The following RHEBL1 variants were observed in gnomAD, a reference collection of about 807,000 sequenced individuals.
RHEBL1 encodes GTPase RhebL1.
RHEBL1 carries 22 observed loss-of-function variants against 27.4 expected under a neutral mutation model. That is an observed-to-expected ratio of 0.80 (90% CI 0.57 to 1.15). The LOEUF is 1.15. Ranked by LOEUF, RHEBL1 falls within the 50% of genes most tolerant of loss-of-function variation. RHEBL1 has a pLI of 0.00. For synonymous variants in RHEBL1, 85 were observed against 80.8 expected, an observed-to-expected ratio of 1.05 and a Z score of -0.28; for missense variants, 186 against 226.5, an observed-to-expected ratio of 0.82 and a Z score of 1.15.
At chr12:49,068,953 G>T (rs955485944) in intron 2 of RHEBL1, 82 bp downstream of exon 2, 4 of 1,423,550 alleles carry the variant, frequency 2.8e-6, no homozygotes, top group Admixed American at 4.3e-5. Context: ...TGGCACCAGA[G>T]AAATAAATTA....
Position 49,066,246 on chromosome 12 carries a change from T to G in RHEBL1, c.365A>C (p.Asp122Ala). 4 of 1,613,948 alleles carry G rather than the reference T, an allele frequency of 2.5e-6. No individual in the cohort carries two copies. The highest frequency in any genetic ancestry group is 3.4e-6 in the Non-Finnish European group (4 of 1,179,842). ...VPVVLVGNKA[D>A]LSPEREVQAV... Reference sequence around the variant, plus strand: ...ATTTACATACCTCTCTGGAGAGAGATCTGCCTTGTTCCCCACTAGAACCAC... The same window carrying G: ...ATTTACATACCTCTCTGGAGAGAGAGCTGCCTTGTTCCCCACTAGAACCAC... Residue 122 changes from aspartate (D) to alanine (A), a missense_variant, in exon 6 of 8, where the codon GAT (aspartate) becomes GCT (alanine). Around this residue, in one of 3 missense-constraint regions of RHEBL1, gnomAD observed 90 missense variants for 95.2 expected, o/e 0.95. Coordinates refer to ENST00000301068, the MANE Select transcript of RHEBL1 (RefSeq NM_144593.3).
Position 49,067,227 on chromosome 12 carries a change from C to T in RHEBL1, c.125-192G>A, listed in dbSNP as rs183264891. 1.5e-3 allele frequency among the ~76,000 whole-genome samples: 235 copies of T among 151,758 alleles called. 1 individual carries two copies. The highest frequency in any genetic ancestry group is 2.8e-3 in the Admixed American group (43 of 15,244). On this transcript the variant is annotated intron_variant, in intron 2 of 7. Transcript: ENST00000301068. ...AAGCTATTCTCCTGCCTCAGCCTCC[C>T]GAGTAGCTGGGATTACAGGGACCTG...
intron 2 of RHEBL1, among the ~76,000 whole-genome samples, chr12:49,067,635 T>C (rs552637967): frequency 6.6e-6 from 1 of 151,918 alleles, no homozygotes; most frequent in South Asian, 2.1e-4. Flanking sequence ...AAAAAATTAG[T>C]TGGGCATGGT....
rs761140168 is a variant in RHEBL1, at chr12:49,066,457, A to G, written c.332+19T>C. On this transcript the variant is annotated intron_variant, in intron 5 of 7. Transcript: ENST00000301068. ...CCCCTCATGCCCACACTATGTCCCT[A>G]TCCCCCAGGGCCACTTACCGGGTTT... 3 of 1,612,036 alleles carry G rather than the reference A, an allele frequency of 1.9e-6. No homozygotes were observed. Among genetic ancestry groups the G allele is most frequent in the Non-Finnish European group, 2.5e-6 (3 of 1,178,572 alleles).
At chr12:49,066,740 C>A (rs1052707247) in intron 3 of RHEBL1, 39 bp from the exon 4 acceptor site, 1 of 1,577,622 alleles carries the variant, frequency 6.3e-7, no homozygotes, top group African/African-American at 1.3e-5. Flanking sequence ...TAGATCCAAA[C>A]CACTAAGATG....
rs748490659 is a variant in RHEBL1 at position 49,069,936 on chromosome 12, C to G, written c.-151G>C. ...GTTAGAAGGAAACCAAAACAAGCGC[C>G]GCGCCCGGAGCTGCCCACGTGATCA... On this transcript the variant is annotated 5_prime_UTR_variant, in exon 1 of 8. Transcript: ENST00000301068. The G allele has an allele frequency of 3.0e-6, 2 of 675,188 alleles. No individual in the cohort carries two copies. The highest frequency in any genetic ancestry group is 1.6e-5 in the South Asian group (1 of 61,672). The allele number at this position is 675,188 out of a possible 1,614,324, so 41.8% of individuals were successfully genotyped here.
Position 49,069,898 on chromosome 12 carries a change from C to A in RHEBL1, c.-113G>T. Reference sequence around the variant, plus strand: ...TGCAGGAAAGTCGCTCACCCCGAAGCTGCCGTGGGCAAGTTAGAAGGAAAC... The same window carrying A: ...TGCAGGAAAGTCGCTCACCCCGAAGATGCCGTGGGCAAGTTAGAAGGAAAC... On this transcript the variant is annotated 5_prime_UTR_variant, in exon 1 of 8. Transcript: ENST00000301068. 1 of 874,674 alleles carries A rather than the reference C, an allele frequency of 1.1e-6. No individual in the cohort carries two copies. 54.2% of individuals were successfully genotyped at this position (874,674 alleles called of 1,614,324 possible). A position where few individuals can be genotyped will look rare whatever the true frequency, so the allele number is the denominator to read the frequency against.
In RHEBL1 at chr12:49,065,371, C is replaced by A. The variant is rs1411582004; in HGVS notation, c.441G>T (p.Glu147Asp). Residue 147 changes from glutamate to aspartate, a missense_variant, in exon 7 of 8, where the codon GAG (glutamate) becomes GAT (aspartate). Glu to Asp is a conservative substitution (Grantham distance 45). Transcript: ENST00000301068. The part of the protein sequence containing the change: ...LAESWGATFM[E>D]SSARENQLTQ... ...GCACCTGATTCTCTCGAGCAGATGACTCCATAAATGTCGCACCCCAGGACT... is the reference window on the plus strand; with the variant it reads ...GCACCTGATTCTCTCGAGCAGATGAATCCATAAATGTCGCACCCCAGGACT... 6.2e-7 allele frequency: 1 copy of A among 1,614,078 alleles called. No individual in the cohort carries two copies. The highest frequency in any genetic ancestry group is 8.5e-7 in the Non-Finnish European group (1 of 1,180,042).
intron 2 of RHEBL1, 79 bp from the exon 3 acceptor site, chr12:49,067,114 T>G (rs1289560889): frequency 4.7e-5 from 47 of 1,009,756 alleles, no homozygotes; most frequent in Non-Finnish European, 5.7e-5. Context: ...TTTTTTTTTT[T>G]TTTTTGAGAC....
chr12:49,069,638 TG>T (rs1257174091), intron 1 of RHEBL1, 95 bp downstream of exon 1: 2 of 1,060,538 alleles, frequency 1.9e-6, no homozygotes, highest in African/African-American at 3.1e-5. Flanking sequence ...ATCCTTACGA[TG>T]TCATCATTCC....
chr12:49,066,751 G>A lies in RHEBL1; in HGVS notation c.193-50C>T, dbSNP rs1370410879. On this transcript the variant is annotated intron_variant, in intron 3 of 7. Transcript: ENST00000301068. Reference sequence around the variant, plus strand: ...TACCTAGATCCAAACCACTAAGATGGCAAAGGTTGGTGGGACAACATCCAG... The same window carrying A: ...TACCTAGATCCAAACCACTAAGATGACAAAGGTTGGTGGGACAACATCCAG... 13 of 1,540,092 alleles carry A rather than the reference G, an allele frequency of 8.4e-6. No individual in the cohort carries two copies. The African/African-American group carries it at 9.5e-5, about 11-fold the overall frequency.
In RHEBL1 at chr12:49,069,886, C is replaced by T. The variant is rs1380305292; in HGVS notation, c.-101G>A. ...CGCGGCAGCTGGTGCAGGAAAGTCG[C>T]TCACCCCGAAGCTGCCGTGGGCAAG... On this transcript the variant is annotated 5_prime_UTR_variant, in exon 1 of 8. Coordinates refer to ENST00000301068, the MANE Select transcript of RHEBL1 (RefSeq NM_144593.3). 28 of 1,044,920 alleles carry T rather than the reference C, an allele frequency of 2.7e-5. No homozygotes were observed. The highest frequency in any genetic ancestry group is 2.4e-4 in the Middle Eastern group (1 of 4,240). The allele number at this position is 1,044,920 out of a possible 1,614,324, so 64.7% of individuals were successfully genotyped here.
Position 49,065,403 on chromosome 12 carries a change from G to C in RHEBL1, c.409C>G (p.Leu137Val). 6.2e-7 allele frequency: 1 copy of C among 1,614,192 alleles called. No homozygotes were observed. Among genetic ancestry groups the C allele is most frequent in the Non-Finnish European group, 8.5e-7 (1 of 1,180,042 alleles). ...AATGTCGCACCCCAGGACTCTGCCA[G>C]CTTCTTTCCTTCAACTGCCTGTACC... is the stretch of plus-strand genomic sequence containing the variant. ...REVQAVEGKK[L>V]AESWGATFME... The change falls in exon 7 of 8, where the codon CTG becomes GTG. Residue 137 changes from leucine (L) to valine (V), a missense_variant. Around this residue, in one of 3 missense-constraint regions of RHEBL1, gnomAD observed 90 missense variants for 95.2 expected, o/e 0.95. Coordinates refer to ENST00000301068, the MANE Select transcript of RHEBL1 (RefSeq NM_144593.3).
chr12:49,065,539 T>C, intron 6 of RHEBL1, 108 bp from the exon 7 acceptor site: 1 of 884,316 alleles, frequency 1.1e-6, no homozygotes. Flanking sequence ...CTCATGCCTG[T>C]AATGCAGCAC....
At chr12:49,069,608 A>G in intron 1 of RHEBL1, 126 bp downstream of exon 1, 1 of 848,784 alleles carries the variant, frequency 1.2e-6, no homozygotes, top group Non-Finnish European at 2.0e-6. Flanking sequence ...CCACTCTTCC[A>G]ATCCTCGCTC....
Position 49,065,387 on chromosome 12 carries a change from C to T in RHEBL1, c.425G>A (p.Gly142Asp), listed in dbSNP as rs768067513. Reference sequence around the variant, plus strand: ...AGCAGATGACTCCATAAATGTCGCACCCCAGGACTCTGCCAGCTTCTTTCC... The same window carrying T: ...AGCAGATGACTCCATAAATGTCGCATCCCAGGACTCTGCCAGCTTCTTTCC... ...VEGKKLAESWGATFMESSARE... is the reference protein window; with the variant it reads ...VEGKKLAESWDATFMESSARE... Residue 142 changes from glycine to aspartate, a missense_variant, in exon 7 of 8, where the codon GGT becomes GAT. This residue lies in a region of RHEBL1 where 90 missense variants were observed against 95.2 expected (regional missense o/e 0.95). Coordinates refer to ENST00000301068, the MANE Select transcript of RHEBL1 (RefSeq NM_144593.3). 4.3e-6 allele frequency: 7 copies of T among 1,614,176 alleles called. No homozygotes were observed. In the South Asian group the frequency reaches 7.7e-5, roughly 18 times the overall value.
chr12:49,066,749 T>G, intron 3 of RHEBL1, 48 bp from the exon 4 acceptor site: 3 of 1,549,032 alleles, frequency 1.9e-6, no homozygotes, highest in Non-Finnish European at 2.7e-6. Context: ...ACCACTAAGA[T>G]GGCAAAGGTT....
intron 2 of RHEBL1, among the ~76,000 whole-genome samples, chr12:49,068,122 C>CTTTTTTTTTTTT (rs56250975): frequency 6.9e-6 from 1 of 144,926 alleles, no homozygotes; most frequent in Non-Finnish European, 1.5e-5. Flanking sequence ...TCTTTTTATT[C>CTTTTTTTTTTTT]TTTTTTTTTT....
chr12:49,068,331 AT>A (rs1359447804), intron 2 of RHEBL1, among the ~76,000 whole-genome samples: 1 of 149,620 alleles, frequency 6.7e-6, no homozygotes, highest in African/African-American at 2.5e-5. Context: ...GGGTTTCACC[AT>A]GTTGGCCAGG....
Sources: gnomAD v4.1 joint callset for allele counts (sites outside exome capture counted in the v4.1 genomes callset) on GRCh38, gnomAD v4.1.1 for gene constraint, gnomAD v4.1.1 regional missense constraint, MANE v1.5 for transcripts, NCBI Gene and HGNC (gene_info 2026-07-23, HGNC 2026-07-21) for gene names.